Variants in LPAR1 observed in about 807,000 individuals in gnomAD.
LPAR1 encodes lysophosphatidic acid receptor 1.
A neutral mutation model predicts 23.8 loss-of-function variants in LPAR1; 5 were observed. The ratio of observed to expected loss-of-function variants is 0.21; its 90% CI spans 0.11 to 0.44. The LOEUF is 0.44. Among genes scored for constraint, LPAR1 ranks in the 20% least tolerant of loss-of-function variants. The pLI is 0.99. For missense variants in LPAR1, 311 were observed against 482.8 expected (o/e 0.64, Z 3.33); for synonymous variants, 160 against 164.7 (o/e 0.97, Z 0.22).
intron 5 of LPAR1, among the ~76,000 whole-genome samples, chr9:110,897,451 G>A (rs369638218): frequency 8.9e-4 from 136 of 152,198 alleles, no homozygotes; most frequent in African/African-American, 3.1e-3. Context: ...GCTCAGTCTC[G>A]GGTATGTCTT....
intron 2 of LPAR1, among the ~76,000 whole-genome samples, chr9:111,009,142 A>G (rs373076805): frequency 6.6e-6 from 1 of 152,254 alleles, no homozygotes; most frequent in East Asian, 1.9e-4. Context: ...ATTAAAAATG[A>G]CTTACAACTT....
chr9:110,951,440 G>A (rs1052796278), intron 4 of LPAR1, among the ~76,000 whole-genome samples: 1 of 152,046 alleles, frequency 6.6e-6, no homozygotes, highest in Admixed American at 6.5e-5. Context: ...AAGTCAAAAA[G>A]GGAAAAGACA....
At chr9:110,894,469 C>A (rs2085594541) in intron 5 of LPAR1, among the ~76,000 whole-genome samples, 1 of 152,178 alleles carries the variant, frequency 6.6e-6, no homozygotes, top group Non-Finnish European at 1.5e-5. Context: ...GGGTTCCCTT[C>A]ATTTCTTTCC....
intron 5 of LPAR1, among the ~76,000 whole-genome samples, chr9:110,907,579 T>C (rs2091547604): frequency 6.6e-6 from 1 of 152,178 alleles, no homozygotes; most frequent in Non-Finnish European, 1.5e-5. Context: ...TTTTGATTCA[T>C]TAATTCTATA....
intron 2 of LPAR1, among the ~76,000 whole-genome samples, chr9:110,976,602 A>G (rs1361411151): frequency 6.6e-6 from 1 of 152,092 alleles, no homozygotes; most frequent in Non-Finnish European, 1.5e-5. Flanking sequence ...TTGAGCTTCA[A>G]AACTGTGTTC....
chr9:110,999,552 C>T (rs1360512739), intron 2 of LPAR1: 2 of 410,230 alleles, frequency 4.9e-6, no homozygotes, highest in Non-Finnish European at 9.7e-6. Context: ...AAACAACAAA[C>T]ATTTCTTTCT....
At chr9:110,926,586 A>G (rs2094050859) in intron 5 of LPAR1, among the ~76,000 whole-genome samples, 1 of 152,166 alleles carries the variant, frequency 6.6e-6, no homozygotes, top group Middle Eastern at 3.2e-3. Flanking sequence ...GATAAAACTA[A>G]TTAGTGTGGA....
At position 110,879,417 on chromosome 9, in the gene LPAR1, C is replaced by CAAAAAA. The variant is rs71371692; in HGVS notation, c.794-3701_794-3696dup. Reference sequence around the variant, plus strand: ...TGAGTGACAGAGCAAGACTCCATCTCAAAAAAAAAAAAAAAAAAAAAAAAG... The same window carrying CAAAAAA: ...TGAGTGACAGAGCAAGACTCCATCTCAAAAAAAAAAAAAAAAAAAAAAAAAAAAAAG... On this transcript the variant is annotated intron_variant, in intron 5 of 5. Coordinates refer to ENST00000683809, the MANE Select transcript of LPAR1 (RefSeq NM_001351411.2). Among the ~76,000 whole-genome samples the CAAAAAA allele has an allele frequency of 1.6e-3, 75 of 47,140 alleles. 1 individual carries two copies. The highest frequency in any genetic ancestry group is 6.7e-3 in the East Asian group (8 of 1,190). The allele number at this position is 47,140 out of a possible 152,430, so 30.9% of individuals were successfully genotyped here.
At chr9:110,911,696 T>C (rs1387894984) in intron 5 of LPAR1, among the ~76,000 whole-genome samples, 1 of 152,216 alleles carries the variant, frequency 6.6e-6, no homozygotes, top group East Asian at 1.9e-4. Context: ...TAAATTAAGG[T>C]ATGCACATAC....
At chr9:110,907,477 G>A (rs59718094) in intron 5 of LPAR1, among the ~76,000 whole-genome samples, 9,373 of 152,132 alleles carry the variant, frequency 0.062, 980 homozygotes, top group African/African-American at 0.21. Context: ...ACCTGTAAAG[G>A]GAGCATAATC....
At chr9:110,904,232 C>T (rs1211588896) in intron 5 of LPAR1, among the ~76,000 whole-genome samples, 2 of 152,036 alleles carry the variant, frequency 1.3e-5, no homozygotes, top group Admixed American at 1.3e-4. Flanking sequence ...ACAAAACAAG[C>T]TGAAATATGG....
intron 4 of LPAR1, among the ~76,000 whole-genome samples, chr9:110,963,995 A>C (rs918946838): frequency 1.3e-5 from 2 of 152,248 alleles, no homozygotes; most frequent in African/African-American, 2.4e-5. Context: ...CATACTTCAT[A>C]CTGCAATTAA....
At chr9:111,001,504 G>T (rs1449793057) in intron 2 of LPAR1, among the ~76,000 whole-genome samples, 1 of 151,760 alleles carries the variant, frequency 6.6e-6, no homozygotes, top group African/African-American at 2.4e-5. Flanking sequence ...GACATAAAGG[G>T]ACTGGAAAAA....
At chr9:110,981,273 T>C (rs1049564605) in intron 2 of LPAR1, among the ~76,000 whole-genome samples, 33 of 152,128 alleles carry the variant, frequency 2.2e-4, no homozygotes, top group African/African-American at 7.7e-4. Flanking sequence ...TAGTTACAAG[T>C]ACAGTACGCT....
intron 2 of LPAR1, among the ~76,000 whole-genome samples, chr9:110,990,589 G>A (rs983153636): frequency 6.6e-6 from 1 of 151,984 alleles, no homozygotes; most frequent in Non-Finnish European, 1.5e-5. Context: ...TTTGTGGGAT[G>A]TCACTAAACC....
chr9:111,015,108 G>C (rs938210217), intron 2 of LPAR1, among the ~76,000 whole-genome samples: 5 of 152,170 alleles, frequency 3.3e-5, no homozygotes, highest in African/African-American at 9.7e-5. Context: ...GGCAAAGAGA[G>C]AGGCCTCAGA....
chr9:111,035,417 T>C (rs1023120842), intron 2 of LPAR1, among the ~76,000 whole-genome samples: 4 of 151,964 alleles, frequency 2.6e-5, no homozygotes, highest in African/African-American at 9.7e-5. Flanking sequence ...AGAGACAGAG[T>C]CTCACTATGT....
chr9:110,950,271 A>G (rs2095527415), intron 4 of LPAR1, among the ~76,000 whole-genome samples: 1 of 151,974 alleles, frequency 6.6e-6, no homozygotes, highest in Non-Finnish European at 1.5e-5. Flanking sequence ...ACCAGTCTGG[A>G]CAGCATGGCA....
chr9:111,016,940 T>C (rs761506706), intron 2 of LPAR1, among the ~76,000 whole-genome samples: 40 of 152,180 alleles, frequency 2.6e-4, no homozygotes, highest in Non-Finnish European at 4.4e-4. Context: ...CATTGTAAGA[T>C]TGTATTTGGA....
Sources: gnomAD v4.1 joint callset for allele counts (sites outside exome capture counted in the v4.1 genomes callset) on GRCh38, gnomAD v4.1.1 for gene constraint, MANE v1.5 for transcripts, NCBI Gene and HGNC (gene_info 2026-07-23, HGNC 2026-07-21) for gene names.